TERT: variants seen among roughly 807,000 people sequenced by gnomAD.
TERT encodes the protein telomerase catalytic subunit.
A neutral mutation model predicts 104.0 loss-of-function variants in TERT; 42 were observed. That is an observed-to-expected ratio of 0.40 (90% CI 0.32 to 0.52). TERT has a LOEUF of 0.52. Ranked by LOEUF, TERT falls within the 20% of genes least tolerant of loss-of-function variation. The pLI is 0.43. For synonymous variants in TERT, 781 were observed against 725.6 expected, an observed-to-expected ratio of 1.08 and a Z score of -1.23; for missense variants, 1,101 against 1,610.3, an observed-to-expected ratio of 0.68 and a Z score of 5.41.
At position 1,265,776 on chromosome 5, in the gene TERT, G is replaced by A. The variant is rs1748550278; in HGVS notation, c.2654+688C>T. 6.6e-6 allele frequency among the ~76,000 whole-genome samples: 1 copy of A among 152,118 alleles called. No homozygotes were observed. On this transcript the variant is annotated intron_variant, in intron 10 of 15. Coordinates refer to ENST00000310581, the MANE Select transcript of TERT (RefSeq NM_198253.3). The surrounding 1 kb of genome is among the most constrained non-coding windows in gnomAD (Gnocchi z 6.9). ...TGAGGGTTCCCTTTACAGCTTTCAAGGTTTCTCGTCCCTCGTCAAATCGCA... is the reference window on the plus strand; with the variant it reads ...TGAGGGTTCCCTTTACAGCTTTCAAAGTTTCTCGTCCCTCGTCAAATCGCA...
chr5:1,268,606 C>T lies in TERT; in HGVS notation c.2496G>A (p.Pro832=), dbSNP rs763470933. Residue 832 remains proline (P), a synonymous_variant, in exon 9 of 16, where the codon CCG becomes CCA. Transcript: ENST00000310581. The surrounding 1 kb of genome is among the most constrained non-coding windows in gnomAD (Gnocchi z 5.5). Reference sequence around the variant, plus strand: ...GCAGCGTGGAGAGGATGGAGCCCTGCGGGATCCCCTGGCACTGGACGTAGG... The same window carrying T: ...GCAGCGTGGAGAGGATGGAGCCCTGTGGGATCCCCTGGCACTGGACGTAGG... ...GKSYVQCQGI[P]QGSILSTLLC... is the part of the protein sequence containing the mutation. 1.4e-5 allele frequency: 22 copies of T among 1,612,926 alleles called. No individual in the cohort carries two copies. Among genetic ancestry groups the T allele is most frequent in the East Asian group, 4.5e-5 (2 of 44,892 alleles).
At chr5:1,271,296 G>A (rs1042313257) in intron 7 of TERT, 92 bp from the exon 8 acceptor site, 4 of 903,358 alleles carry the variant, frequency 4.4e-6, no homozygotes, top group Non-Finnish European at 7.3e-6. Flanking sequence ...CCCTTTTGGG[G>A]TCAGTGTTTG....
rs1298741400 is a variant in TERT at position 1,288,545 on chromosome 5, C to T, written c.1573+4768G>A. On this transcript the variant is annotated intron_variant, in intron 2 of 15. Coordinates refer to ENST00000310581, the MANE Select transcript of TERT (RefSeq NM_198253.3). The surrounding 1 kb of genome is among the most constrained non-coding windows in gnomAD (Gnocchi z 5.3). ...GGGGGCGACTGGAGGCAGAGCCCAGCCTAAGCAATGAGCGGCAGGTGCCCA... is the reference window on the plus strand; with the variant it reads ...GGGGGCGACTGGAGGCAGAGCCCAGTCTAAGCAATGAGCGGCAGGTGCCCA... 6.6e-6 allele frequency among the ~76,000 whole-genome samples: 1 copy of T among 151,970 alleles called. No individual in the cohort carries two copies. The highest frequency in any genetic ancestry group is 1.9e-4 in the East Asian group (1 of 5,186).
Position 1,282,473 on chromosome 5 carries a change from G to A in TERT, c.1725C>T (p.Phe575=). 1 of 1,614,178 alleles carries A rather than the reference G, an allele frequency of 6.2e-7. No individual in the cohort carries two copies. Among genetic ancestry groups the A allele is most frequent in the Non-Finnish European group, 8.5e-7 (1 of 1,180,042 alleles). ...ACTTGCTCCAGACACTCTTCCGGTA[G>A]AAAAAGAGCCTGTTCTTTTGAAACG... The part of the protein sequence containing the change: ...ETTFQKNRLF[F]YRKSVWSKLQ... Residue 575 remains phenylalanine, a synonymous_variant, in exon 3 of 16, where the codon TTC becomes TTT. Coordinates refer to ENST00000310581, the MANE Select transcript of TERT (RefSeq NM_198253.3).
At position 1,279,448 on chromosome 5, in the gene TERT, A is replaced by G. The variant is rs1749862445; in HGVS notation, c.1973T>C (p.Val658Ala). The stretch of plus-strand genomic sequence containing the variant: ...GTTGAGCACGCTGAACAGTGCCTTC[A>G]CCCTCGAGGTGAGACGCTCGGCCTG... The part of the protein sequence containing the change: ...EKRAERLTSR[V>A]KALFSVLNYE... Residue 658 changes from valine (V) to alanine (A), a missense_variant, in exon 5 of 16, where the codon GTG (valine) becomes GCG (alanine). By Grantham distance (64) the Val-to-Ala change is moderately conservative. Transcript: ENST00000310581. 3.2e-6 allele frequency: 5 copies of G among 1,550,082 alleles called. No individual in the cohort carries two copies. Among genetic ancestry groups the G allele is most frequent in the Non-Finnish European group, 4.4e-6 (5 of 1,147,858 alleles).
chr5:1,256,203 G>A lies in TERT; in HGVS notation c.3033-792C>T, dbSNP rs943222747. ...TTTTGTTTTTATTTTTCATAGAGAT[G>A]GGGTTCTACTATGTTGCTCAGGCTG... is the stretch of plus-strand genomic sequence containing the variant. On this transcript the variant is annotated intron_variant, in intron 13 of 15. Coordinates refer to ENST00000310581, the MANE Select transcript of TERT (RefSeq NM_198253.3). This position sits in a 1 kb window ranked among gnomAD's most constrained non-coding sequence, Gnocchi z 7.0. Among the ~76,000 whole-genome samples the A allele has an allele frequency of 3.3e-5, 5 of 151,840 alleles. No homozygotes were observed. Among genetic ancestry groups the A allele is most frequent in the African/African-American group, 9.7e-5 (4 of 41,330 alleles).
In TERT at chr5:1,286,756, T is replaced by A. The variant is rs1007256335; in HGVS notation, c.1574-4132A>T. Among the ~76,000 whole-genome samples, 2 of 152,024 alleles carry A rather than the reference T, an allele frequency of 1.3e-5. No homozygotes were observed. The highest frequency in any genetic ancestry group is 4.8e-5 in the African/African-American group (2 of 41,376). The stretch of plus-strand genomic sequence containing the variant: ...AGCCAGGCGTGGTGGTGGGCGCCTG[T>A]AATCCCAGCTACTCATGAGGTTGAG... On this transcript the variant is annotated intron_variant, in intron 2 of 15. Coordinates refer to ENST00000310581, the MANE Select transcript of TERT (RefSeq NM_198253.3). The surrounding 1 kb of genome is among the most constrained non-coding windows in gnomAD (Gnocchi z 5.3).
At chr5:1,283,395 GC>G (rs2126653060) in intron 2 of TERT, among the ~76,000 whole-genome samples, 1 of 133,794 alleles carries the variant, frequency 7.5e-6, no homozygotes, top group Admixed American at 7.5e-5. Flanking sequence ...CCAGCTCACA[GC>G]AGGGCCTGGC....
At position 1,260,853 on chromosome 5, in the gene TERT, G is replaced by A. The variant is rs530471708; in HGVS notation, c.2844-253C>T. Among the ~76,000 whole-genome samples the A allele has an allele frequency of 1.3e-5, 2 of 152,348 alleles. 1 individual carries two copies. The highest frequency in any genetic ancestry group is 4.8e-5 in the African/African-American group (2 of 41,576). On this transcript the variant is annotated intron_variant, in intron 11 of 15. Coordinates refer to ENST00000310581, the MANE Select transcript of TERT (RefSeq NM_198253.3). ...GTGTATCCAAACCTCGCACGGCCGT[G>A]TTTGTGCACTCATCATCTGCCCTGA...
chr5:1,267,672 A>G (rs1748711061), intron 9 of TERT, among the ~76,000 whole-genome samples: 2 of 152,348 alleles, frequency 1.3e-5, no homozygotes, highest in South Asian at 2.1e-4. Flanking sequence ...GGATGAGTTC[A>G]TGTCCTTTGT....
chr5:1,271,255 C>T, intron 7 of TERT, 51 bp from the exon 8 acceptor site: 1 of 1,359,602 alleles, frequency 7.4e-7, no homozygotes, highest in Non-Finnish European at 1.1e-6. Flanking sequence ...GGTGCTGAGA[C>T]AGGCAGGACC....
intron 12 of TERT, 59 bp downstream of exon 12, chr5:1,260,414 AC>A: frequency 6.2e-7 from 1 of 1,610,798 alleles, no homozygotes. Context: ...ACACACACAC[AC>A]ATACTTGCGC....
rs923485003 is a variant in TERT at position 1,255,144 on chromosome 5, C to T, written c.3157+143G>A. On this transcript the variant is annotated intron_variant, in intron 14 of 15. Coordinates refer to ENST00000310581, the MANE Select transcript of TERT (RefSeq NM_198253.3). The surrounding 1 kb of genome is among the most constrained non-coding windows in gnomAD (Gnocchi z 6.9). ...CTCACCCCACGAGAGGGCGGGCAGA[C>T]GAGCCTGACAGTGGTTGGGTTAAAC... The T allele has an allele frequency of 1.6e-5, 17 of 1,080,166 alleles. No homozygotes were observed. The highest frequency in any genetic ancestry group is 6.2e-5 in the African/African-American group (4 of 64,126). 66.9% of individuals were successfully genotyped at this position (1,080,166 alleles called of 1,614,324 possible).
At position 1,267,237 on chromosome 5, in the gene TERT, G is replaced by A. The variant is rs140759560; in HGVS notation, c.2583-702C>T. Among the ~76,000 whole-genome samples, 47 of 152,310 alleles carry A rather than the reference G, an allele frequency of 3.1e-4. No homozygotes were observed. In the East Asian group the frequency reaches 6.9e-3, roughly 22 times the overall value. On this transcript the variant is annotated intron_variant, in intron 9 of 15. Coordinates refer to ENST00000310581, the MANE Select transcript of TERT (RefSeq NM_198253.3). ...TTCAAAAGATGCACAGGAAAAACCC[G>A]GAGTCTTCGAGAGAAATGGCTGTGT...
Position 1,254,636 on chromosome 5 carries a change from A to C in TERT, c.3158-131T>G, listed in dbSNP as rs1214205150. ...CTGGCTGTCCCGACCCAAGCACCGCAGGAGTCACGACAGAAATGTTTTCTT... is the reference window on the plus strand; with the variant it reads ...CTGGCTGTCCCGACCCAAGCACCGCCGGAGTCACGACAGAAATGTTTTCTT... On this transcript the variant is annotated intron_variant, in intron 14 of 15. Transcript: ENST00000310581. The C allele has an allele frequency of 5.0e-6, 5 of 996,276 alleles. No individual in the cohort carries two copies. The East Asian group carries it at 1.3e-4, about 26-fold the overall frequency. The allele number at this position is 996,276 out of a possible 1,614,324, so 61.7% of individuals were successfully genotyped here. A position where few individuals can be genotyped will look rare whatever the true frequency, so the allele number is the denominator to read the frequency against.
In TERT at chr5:1,274,072, G is replaced by A. The variant is rs1430596621; in HGVS notation, c.2287-1792C>T. On this transcript the variant is annotated intron_variant, in intron 6 of 15. Transcript: ENST00000310581. The surrounding 1 kb of genome is among the most constrained non-coding windows in gnomAD (Gnocchi z 5.3). ...CCCAAGACAGGATGTGAGCAGGCAC[G>A]TGACACACACTAACACGGACACAGG... 4.6e-5 allele frequency among the ~76,000 whole-genome samples: 7 copies of A among 152,220 alleles called. No individual in the cohort carries two copies. The highest frequency in any genetic ancestry group is 1.7e-4 in the African/African-American group (7 of 41,446).
chr5:1,279,440 G>A lies in TERT; in HGVS notation c.1981C>T (p.Leu661=), dbSNP rs2126642293. 6.4e-7 allele frequency: 1 copy of A among 1,550,728 alleles called. No homozygotes were observed. Among genetic ancestry groups the A allele is most frequent in the Non-Finnish European group, 8.7e-7 (1 of 1,148,174 alleles). ...CGCTCGTAGTTGAGCACGCTGAACAGTGCCTTCACCCTCGAGGTGAGACGC... is the reference window on the plus strand; with the variant it reads ...CGCTCGTAGTTGAGCACGCTGAACAATGCCTTCACCCTCGAGGTGAGACGC... The part of the protein sequence containing the change: ...AERLTSRVKA[L]FSVLNYERAR... Residue 661 remains leucine (L), a synonymous_variant, in exon 5 of 16, where the codon CTG becomes TTG. Transcript: ENST00000310581.
At chr5:1,283,273 G>A (rs1400561175) in intron 2 of TERT, among the ~76,000 whole-genome samples, 11 of 120,612 alleles carry the variant, frequency 9.1e-5, no homozygotes, top group African/African-American at 2.0e-4. Flanking sequence ...CCAGCTAACC[G>A]CAGGGCCTGG....
rs753112435 is a variant in TERT, at chr5:1,253,772, C to T, written c.3355G>A (p.Ala1119Thr). Residue 1119 changes from alanine (A) to threonine (T), a missense_variant, in exon 16 of 16, where the codon GCC becomes ACC. Around this residue, in one of 5 missense-constraint regions of TERT, gnomAD observed 463 missense variants for 797.5 expected, o/e 0.58. Transcript: ENST00000310581. ...AAGTCTGAGGGCAGTGCCGGGTTGG[C>T]TGCGGCCTCCAGGGCAGTCAGCGTC... ...GTTLTALEAA[A>T]NPALPSDFKT... 1.2e-6 allele frequency: 2 copies of T among 1,612,186 alleles called. No individual in the cohort carries two copies. Among genetic ancestry groups the T allele is most frequent in the East Asian group, 2.2e-5 (1 of 44,876 alleles).
Sources: gnomAD v4.1 joint callset for allele counts (sites outside exome capture counted in the v4.1 genomes callset) on GRCh38, gnomAD v4.1.1 for gene constraint, gnomAD v4.1.1 regional missense constraint, Gnocchi (gnomAD v3.1) non-coding constraint, MANE v1.5 for transcripts, NCBI Gene and HGNC (gene_info 2026-07-23, HGNC 2026-07-21) for gene names.